Variants in HDHD2 observed in about 807,000 individuals in gnomAD.
The protein encoded by HDHD2 is haloacid dehalogenase-like hydrolase domain-containing protein 2.
A neutral mutation model predicts 24.8 loss-of-function variants in HDHD2; 26 were observed. That is an observed-to-expected ratio of 1.05 (90% CI 0.77 to 1.45). The LOEUF is 1.45. HDHD2 is among the 40% of genes most tolerant of loss of function. The pLI, the probability that HDHD2 is intolerant of heterozygous loss-of-function variation, is 0.00. For synonymous variants in HDHD2, 128 were observed against 114.9 expected (o/e 1.11, Z -0.73); for missense variants, 299 against 313.4 (o/e 0.95, Z 0.35).
At chr18:47,136,155 G>A in intron 2 of HDHD2, 184 bp downstream of exon 2, 3 of 649,058 alleles carry the variant, frequency 4.6e-6, no homozygotes, top group Non-Finnish European at 4.9e-6. Flanking sequence ...CCTAATAAAG[G>A]CTTAGAAAAC....
intron 5 of HDHD2, 95 bp from the exon 6 acceptor site, chr18:47,113,135 G>A: frequency 1.1e-6 from 1 of 928,758 alleles, no homozygotes; most frequent in Non-Finnish European, 1.8e-6. Flanking sequence ...GTGTCCAACT[G>A]TAATGCCATG....
chr18:47,131,541 T>C (rs1599946817), intron 3 of HDHD2, among the ~76,000 whole-genome samples: 1 of 152,208 alleles, frequency 6.6e-6, no homozygotes, highest in African/African-American at 2.4e-5. Context: ...GAGCACTGGG[T>C]TGTCATTACT....
At chr18:47,120,943 C>G (rs2063600119) in intron 4 of HDHD2, among the ~76,000 whole-genome samples, 1 of 152,094 alleles carries the variant, frequency 6.6e-6, no homozygotes, top group African/African-American at 2.4e-5. Flanking sequence ...ACAACAGTAA[C>G]ACCAAAGATC....
Position 47,108,735 on chromosome 18 carries a change from T to G in HDHD2, c.727A>C (p.Thr243Pro). The G allele has an allele frequency of 6.2e-7, 1 of 1,611,648 alleles. No homozygotes were observed. Among genetic ancestry groups the G allele is most frequent in the Non-Finnish European group, 8.5e-7 (1 of 1,178,228 alleles). ...EEKINPPPYL[T>P]CESFPHAVDH... Reference sequence around the variant, plus strand: ...ACAGCATGAGGGAAACTCTCACAAGTTAAGTAAGGAGGTGGATTAATTTTT... The same window carrying G: ...ACAGCATGAGGGAAACTCTCACAAGGTAAGTAAGGAGGTGGATTAATTTTT... The change falls in exon 7 of 7, where the codon ACT becomes CCT. Residue 243 changes from threonine to proline, a missense_variant. Thr to Pro is a conservative substitution (Grantham distance 38). Transcript: ENST00000300605.
chr18:47,125,428 G>A (rs1156666296), intron 4 of HDHD2, among the ~76,000 whole-genome samples: 1 of 151,836 alleles, frequency 6.6e-6, no homozygotes, highest in African/African-American at 2.4e-5. Flanking sequence ...TCCCCCAAAA[G>A]ACATATACAA....
chr18:47,111,447 AT>A, intron 6 of HDHD2: 1 of 984,508 alleles, frequency 1.0e-6, no homozygotes, highest in Non-Finnish European at 1.2e-6. Context: ...TTATCTAAGG[AT>A]TTCTTCAATA....
chr18:47,146,122 G>A (rs190977794), intron 1 of HDHD2, among the ~76,000 whole-genome samples: 3 of 151,804 alleles, frequency 2.0e-5, no homozygotes, highest in South Asian at 2.1e-4. Flanking sequence ...CCAGCTACTC[G>A]GGAGGCTGAG....
intron 5 of HDHD2, among the ~76,000 whole-genome samples, chr18:47,114,850 A>AT (rs1032327463): frequency 1.3e-5 from 2 of 150,958 alleles, no homozygotes; most frequent in African/African-American, 4.9e-5. Context: ...ATAATATACA[A>AT]ATATATATAT....
At chr18:47,118,373 G>A (rs1272517772) in intron 4 of HDHD2, among the ~76,000 whole-genome samples, 2 of 152,178 alleles carry the variant, frequency 1.3e-5, no homozygotes, top group Non-Finnish European at 2.9e-5. Context: ...GTGATAGACT[G>A]GAGAAAGAAA....
intron 4 of HDHD2, among the ~76,000 whole-genome samples, chr18:47,121,399 A>G (rs2063605760): frequency 6.6e-6 from 1 of 152,054 alleles, no homozygotes; most frequent in African/African-American, 2.4e-5. Context: ...TGATTTCTCA[A>G]TTTCTCCCAC....
chr18:47,110,956 G>A, intron 6 of HDHD2: 1 of 985,154 alleles, frequency 1.0e-6, no homozygotes, highest in African/African-American at 1.7e-5. Flanking sequence ...TCCACAGAAA[G>A]CACTTATTAT....
At chr18:47,147,936 TG>T (rs1356335715) in intron 1 of HDHD2, among the ~76,000 whole-genome samples, 1 of 152,098 alleles carries the variant, frequency 6.6e-6, no homozygotes, top group Non-Finnish European at 1.5e-5. Flanking sequence ...CCCACTAACT[TG>T]ATCACTTGAT....
chr18:47,133,826 T>G (rs1336742600), intron 3 of HDHD2, among the ~76,000 whole-genome samples: 2 of 151,436 alleles, frequency 1.3e-5, no homozygotes. Context: ...TTGATGGGGT[T>G]GTTTTTTTCT....
At chr18:47,144,204 G>GT (rs768505008) in intron 1 of HDHD2, among the ~76,000 whole-genome samples, 12 of 152,148 alleles carry the variant, frequency 7.9e-5, no homozygotes, top group Admixed American at 6.5e-5. Flanking sequence ...GGCTCCAAAC[G>GT]TATCTGTCAC....
intron 1 of HDHD2, among the ~76,000 whole-genome samples, chr18:47,137,871 G>T (rs2063781292): frequency 6.6e-6 from 1 of 150,522 alleles, no homozygotes. Context: ...TAAACTTCCT[G>T]TTGGAAAAAA....
At chr18:47,146,845 G>A (rs1340177822) in intron 1 of HDHD2, among the ~76,000 whole-genome samples, 3 of 152,106 alleles carry the variant, frequency 2.0e-5, no homozygotes, top group Non-Finnish European at 4.4e-5. Context: ...ACAAGAGTGG[G>A]GATAATGATT....
intron 3 of HDHD2, among the ~76,000 whole-genome samples, chr18:47,133,447 A>T (rs1254576996): frequency 6.7e-6 from 1 of 148,584 alleles, no homozygotes; most frequent in Non-Finnish European, 1.5e-5. Context: ...ATAGTGCCAC[A>T]GTAAACATAT....
intron 4 of HDHD2, among the ~76,000 whole-genome samples, chr18:47,126,760 C>T (rs1356363579): frequency 6.6e-6 from 1 of 151,868 alleles, no homozygotes; most frequent in Non-Finnish European, 1.5e-5. Flanking sequence ...GTTTTTTTCC[C>T]CAAAATTCCT....
At chr18:47,111,033 T>G (rs2090873226) in intron 6 of HDHD2, 1 of 985,220 alleles carries the variant, frequency 1.0e-6, no homozygotes, top group South Asian at 4.7e-5. Flanking sequence ...TCCACTGCAC[T>G]GAGTTAAAAT....
Sources: allele counts gnomAD v4.1 joint callset (sites outside exome capture counted in the v4.1 genomes callset), GRCh38; gene constraint gnomAD v4.1.1; transcripts MANE v1.5; gene names NCBI Gene and HGNC (gene_info 2026-07-23, HGNC 2026-07-21).